SUGCT: variants seen among roughly 807,000 people sequenced by gnomAD.
SUGCT encodes succinyl-CoA:glutarate-CoA transferase, also known as succinyl-CoA:glutarate CoA-transferase.
Under a neutral mutation model 55.0 loss-of-function variants are expected in SUGCT, and 41 were observed. The ratio of observed to expected loss-of-function variants is 0.74; its 90% CI spans 0.58 to 0.97. SUGCT has a LOEUF of 0.97. SUGCT is among the 50% of genes least tolerant of loss of function. The probability of loss-of-function intolerance (pLI) is 0.00; values close to 1 mark genes in which losing one functional copy is unlikely to be tolerated. For missense variants in SUGCT, 568 were observed against 547.8 expected (o/e 1.04, Z -0.37); for synonymous variants, 187 against 200.4 (o/e 0.93, Z 0.56).
At chr7:40,451,498 C>T (rs1458949532) in intron 10 of SUGCT, among the ~76,000 whole-genome samples, 1 of 152,128 alleles carries the variant, frequency 6.6e-6, no homozygotes, top group African/African-American at 2.4e-5. Context: ...ATAAAGGAGA[C>T]TATCAGAGGG....
At chr7:40,710,858 A>G (rs546947421) in intron 12 of SUGCT, among the ~76,000 whole-genome samples, 3 of 152,180 alleles carry the variant, frequency 2.0e-5, no homozygotes, top group African/African-American at 7.2e-5. Flanking sequence ...AAAAGATGCC[A>G]TCTAAAATAA....
At chr7:40,960,578 G>A in the SUGCT span, among the ~76,000 whole-genome samples, 1 of 152,152 alleles carries the variant, frequency 6.6e-6, no homozygotes, top group African/African-American at 2.4e-5. Flanking sequence ...AGATGTTGTA[G>A]ATTCAGAGGC....
At chr7:40,314,765 T>C (rs1031231506) in intron 8 of SUGCT, among the ~76,000 whole-genome samples, 5 of 98,618 alleles carry the variant, frequency 5.1e-5, no homozygotes, top group African/African-American at 1.4e-4. Flanking sequence ...AGTTTCTCCA[T>C]GTTGGTCAGG....
At chr7:40,824,261 A>C (rs1477693823) in intron 13 of SUGCT, among the ~76,000 whole-genome samples, 1 of 152,150 alleles carries the variant, frequency 6.6e-6, no homozygotes, top group Non-Finnish European at 1.5e-5. Context: ...TGTCTATAGC[A>C]GTAAAGCTGA....
the SUGCT span, among the ~76,000 whole-genome samples, chr7:40,936,370 G>A: frequency 6.6e-6 from 1 of 151,682 alleles, no homozygotes; most frequent in Non-Finnish European, 1.5e-5. Context: ...AATCAAAAAT[G>A]TTGGTATATA....
chr7:40,191,283 C>G (rs2034230161), intron 5 of SUGCT, among the ~76,000 whole-genome samples: 1 of 152,170 alleles, frequency 6.6e-6, no homozygotes, highest in Non-Finnish European at 1.5e-5. Context: ...TCTCAAAGTG[C>G]TGGGATTACA....
Position 40,466,715 on chromosome 7 carries a change from C to T in SUGCT, c.986+7517C>T, listed in dbSNP as rs138800350. On this transcript the variant is annotated intron_variant, in intron 11 of 13. Transcript: ENST00000335693. ...GGGAAAAAGCAAGGATCCACGATGT[C>T]AGGTTCTACAAAACAGAAAAGAGCA... 8.7e-3 allele frequency among the ~76,000 whole-genome samples: 1,332 copies of T among 152,280 alleles called. 14 individuals are homozygous for T. The highest frequency in any genetic ancestry group is 0.012 in the Non-Finnish European group (788 of 68,014).
intron 8 of SUGCT, among the ~76,000 whole-genome samples, chr7:40,294,540 A>G (rs910451599): frequency 2.0e-5 from 3 of 152,064 alleles, no homozygotes; most frequent in Admixed American, 1.3e-4. Flanking sequence ...ATGCGTTATG[A>G]TGATGAAGAT....
chr7:40,680,350 A>G (rs184823943), intron 12 of SUGCT, among the ~76,000 whole-genome samples: 370 of 152,298 alleles, frequency 2.4e-3, no homozygotes, highest in Middle Eastern at 6.8e-3. Flanking sequence ...TCTCAGTACA[A>G]TAAATGTTAG....
At chr7:40,441,344 G>C (rs1788503655) in intron 9 of SUGCT, among the ~76,000 whole-genome samples, 1 of 152,064 alleles carries the variant, frequency 6.6e-6, no homozygotes, top group Non-Finnish European at 1.5e-5. Context: ...CCTTACTGGG[G>C]TAAGGTTGGC....
chr7:40,818,971 A>C (rs879284855), intron 13 of SUGCT, among the ~76,000 whole-genome samples: 1 of 127,532 alleles, frequency 7.8e-6, no homozygotes, highest in Non-Finnish European at 1.5e-5. Flanking sequence ...AAGTGTTCTC[A>C]TTGTTCACTT....
chr7:40,976,892 A>C, the SUGCT span, among the ~76,000 whole-genome samples: 1 of 152,186 alleles, frequency 6.6e-6, no homozygotes, highest in East Asian at 1.9e-4. Flanking sequence ...TCAATGAGGT[A>C]ATGGTCCCAC....
chr7:41,027,281 G>A, the SUGCT span, among the ~76,000 whole-genome samples: 2 of 152,148 alleles, frequency 1.3e-5, no homozygotes, highest in African/African-American at 2.4e-5. Context: ...CCCAAGGAAG[G>A]GATTGCTCTC....
At chr7:40,915,373 T>G in the SUGCT span, among the ~76,000 whole-genome samples, 1 of 152,130 alleles carries the variant, frequency 6.6e-6, no homozygotes, top group Middle Eastern at 3.2e-3. Context: ...GAGTTCAGTA[T>G]ATGAAACTAG....
At chr7:40,515,866 ATGTTGAACATTTTAAACC>A (rs1226557609) in intron 12 of SUGCT, among the ~76,000 whole-genome samples, 15 of 152,340 alleles carry the variant, frequency 9.8e-5, no homozygotes, top group African/African-American at 3.4e-4. Context: ...TGATAACTCT[ATGTTGAACATTTTAAACC>A]ATGGCCAAAA....
chr7:40,315,334 C>T (rs1447961820), intron 8 of SUGCT, among the ~76,000 whole-genome samples: 2 of 152,196 alleles, frequency 1.3e-5, no homozygotes, highest in Non-Finnish European at 1.5e-5. Flanking sequence ...TTGAAAGACA[C>T]AGAAGTGATC....
At chr7:40,137,429 C>T (rs80112176) in intron 1 of SUGCT, among the ~76,000 whole-genome samples, 5,653 of 152,066 alleles carry the variant, frequency 0.037, 339 homozygotes, top group African/African-American at 0.13. Flanking sequence ...CCACCATGCC[C>T]AACCAACAAA....
rs761226678 is a variant in SUGCT, at chr7:40,806,110, G to A, written c.1154-54206G>A. Among the ~76,000 whole-genome samples, 8 of 152,216 alleles carry A rather than the reference G, an allele frequency of 5.3e-5. No homozygotes were observed. In the East Asian group the frequency reaches 1.5e-3, roughly 29 times the overall value. The stretch of plus-strand genomic sequence containing the variant: ...CTCTGTTTGTAAAAGAAAACTAAAA[G>A]CTTATAGAAATTTCAAATTTTCAAG... On this transcript the variant is annotated intron_variant, in intron 13 of 13. Coordinates refer to ENST00000335693, the MANE Select transcript of SUGCT (RefSeq NM_001193313.2).
At chr7:40,504,577 A>T (rs1792483697) in intron 12 of SUGCT, among the ~76,000 whole-genome samples, 1 of 151,974 alleles carries the variant, frequency 6.6e-6, no homozygotes, top group South Asian at 2.1e-4. Context: ...TAGGATTAGA[A>T]GGGCGTGCCA....
Sources: gnomAD v4.1 joint callset for allele counts (sites outside exome capture counted in the v4.1 genomes callset) on GRCh38, gnomAD v4.1.1 for gene constraint, MANE v1.5 for transcripts, NCBI Gene and HGNC (gene_info 2026-07-23, HGNC 2026-07-21) for gene names.